MAP3K4: variants seen among roughly 807,000 people sequenced by gnomAD.
MAP3K4 encodes the protein MAP three kinase 1.
MAP3K4 carries 67 observed loss-of-function variants against 185.6 expected under a neutral mutation model. The observed-to-expected ratio is 0.36, with a 90% CI of 0.30 to 0.44. The LOEUF is 0.44. Ranked by LOEUF, MAP3K4 falls within the 20% of genes least tolerant of loss-of-function variation. The pLI, the probability that MAP3K4 is intolerant of heterozygous loss-of-function variation, is 1.00. For synonymous variants in MAP3K4, 702 were observed against 710.4 expected (o/e 0.99, Z 0.19); for missense variants, 1,551 against 1,995.1 (o/e 0.78, Z 4.24).
chr6:161,095,919 CAG>C (rs1777546881), intron 15 of MAP3K4, among the ~76,000 whole-genome samples: 1 of 152,122 alleles, frequency 6.6e-6, no homozygotes, highest in Non-Finnish European at 1.5e-5. Flanking sequence ...GTTTTTTAAA[CAG>C]AATGTCTTTA....
chr6:161,099,777 C>T (rs78157072), intron 17 of MAP3K4, among the ~76,000 whole-genome samples: 5,798 of 152,190 alleles, frequency 0.038, 147 homozygotes, highest in South Asian at 0.072. Context: ...GGTTGATGCA[C>T]TGTGTTTTAA....
intron 1 of MAP3K4, among the ~76,000 whole-genome samples, chr6:161,032,439 T>C (rs911803789): frequency 6.6e-6 from 1 of 152,218 alleles, no homozygotes; most frequent in African/African-American, 2.4e-5. Flanking sequence ...TTAATCCTCA[T>C]AGGAATAAGT....
chr6:161,028,049 C>G (rs1488966931), intron 1 of MAP3K4, among the ~76,000 whole-genome samples: 1 of 152,136 alleles, frequency 6.6e-6, no homozygotes, highest in Non-Finnish European at 1.5e-5. Flanking sequence ...AAGGTTTAGG[C>G]CCGGGACTGG....
chr6:161,112,788 C>T lies in MAP3K4; in HGVS notation c.4626+14C>T. On this transcript the variant is annotated intron_variant, in intron 25 of 26. Transcript: ENST00000392142. This position sits in a 1 kb window ranked among gnomAD's most constrained non-coding sequence, Gnocchi z 5.1. ...GTGACTGGCAAGGTAAGCGGAGCCC[C>T]CACACCTGGCGGAGCAACTTCAGAA... is the stretch of plus-strand genomic sequence containing the variant. The T allele has an allele frequency of 3.2e-6, 5 of 1,546,224 alleles. No homozygotes were observed. Among genetic ancestry groups the T allele is most frequent in the Non-Finnish European group, 4.4e-6 (5 of 1,148,612 alleles).
chr6:161,045,351 G>A (rs1439439880), intron 2 of MAP3K4, among the ~76,000 whole-genome samples: 2 of 152,116 alleles, frequency 1.3e-5, no homozygotes, highest in Admixed American at 6.5e-5. Context: ...TCAAAAAATT[G>A]TGTAATAGAC....
Position 161,102,784 on chromosome 6 carries a change from GAGAA to G in MAP3K4, c.3856+9_3856+12del. 9.2e-7 allele frequency: 1 copy of G among 1,082,692 alleles called. No homozygotes were observed. 67.1% of individuals were successfully genotyped at this position (1,082,692 alleles called of 1,614,324 possible). The stretch of plus-strand genomic sequence containing the variant: ...CACTAATCAGCCAGAGTAAAGGTGA[GAGAA>G]AGAGTGTTGAAGTTAAAAAAAAAAA... On this transcript the variant is annotated splice_donor_region_variant and intron_variant, in intron 19 of 26. Transcript: ENST00000392142.
chr6:161,079,030 A>G (rs183169444), intron 5 of MAP3K4, among the ~76,000 whole-genome samples: 16 of 152,030 alleles, frequency 1.1e-4, no homozygotes, highest in Non-Finnish European at 2.1e-4. Flanking sequence ...CCTGGCCAAC[A>G]TGGCAAAACC....
rs1186777109 is a variant in MAP3K4 at position 161,056,153 on chromosome 6, T to C, written c.1707+6174T>C. ...CGTTTGATATGCTCCCCTCTTTTGT[T>C]GTATTATTTTCCTTTTGATTTGCTT... On this transcript the variant is annotated intron_variant, in intron 3 of 26. Transcript: ENST00000392142. The surrounding 1 kb of genome is among the most constrained non-coding windows in gnomAD (Gnocchi z 5.4). Among the ~76,000 whole-genome samples the C allele has an allele frequency of 6.6e-6, 1 of 152,186 alleles. No individual in the cohort carries two copies. Among genetic ancestry groups the C allele is most frequent in the African/African-American group, 2.4e-5 (1 of 41,456 alleles).
In MAP3K4 at chr6:161,049,102, T is replaced by C. The variant is rs1783882182; in HGVS notation, c.830T>C (p.Ile277Thr). 6.2e-7 allele frequency: 1 copy of C among 1,614,142 alleles called. No homozygotes were observed. The highest frequency in any genetic ancestry group is 1.7e-5 in the Admixed American group (1 of 60,014). ...CAAGCCTGGCATGCAGGACGGACAA[T>C]TAACGACCAGGACTTCTTTTTATAT... The part of the protein sequence containing the change: ...ELQAWHAGRT[I>T]NDQDFFLYTA... Residue 277 changes from isoleucine to threonine, a missense_variant, in exon 3 of 27, where the codon ATT becomes ACT. This residue lies in a region of MAP3K4 where 69 missense variants were observed against 124.8 expected (regional missense o/e 0.55). Coordinates refer to ENST00000392142, the MANE Select transcript of MAP3K4 (RefSeq NM_005922.4). This position sits in a 1 kb window ranked among gnomAD's most constrained non-coding sequence, Gnocchi z 8.4.
At chr6:161,099,800 T>C (rs1026402126) in intron 17 of MAP3K4, among the ~76,000 whole-genome samples, 4 of 152,206 alleles carry the variant, frequency 2.6e-5, no homozygotes, top group African/African-American at 9.7e-5. Context: ...CATTTGTAAG[T>C]TGGTGGTGTG....
intron 2 of MAP3K4, among the ~76,000 whole-genome samples, chr6:161,045,221 T>TG (rs1198015470): frequency 6.6e-6 from 1 of 151,890 alleles, no homozygotes; most frequent in African/African-American, 2.4e-5. Flanking sequence ...GGTTTTGTTT[T>TG]GGGGTGGGGG....
chr6:161,015,442 A>G (rs1583110962), intron 1 of MAP3K4, among the ~76,000 whole-genome samples: 1 of 152,306 alleles, frequency 6.6e-6, no homozygotes, highest in African/African-American at 2.4e-5. Context: ...CATCCTGCAC[A>G]CGTATCCTGG....
rs535419676 is a variant in MAP3K4, at chr6:161,071,322, G to A, written c.1950+472G>A. 5.3e-5 allele frequency among the ~76,000 whole-genome samples: 8 copies of A among 152,248 alleles called. No individual in the cohort carries two copies. Among genetic ancestry groups the A allele is most frequent in the Admixed American group, 3.9e-4 (6 of 15,284 alleles). On this transcript the variant is annotated intron_variant, in intron 4 of 26. Transcript: ENST00000392142. This position sits in a 1 kb window ranked among gnomAD's most constrained non-coding sequence, Gnocchi z 4.6. ...TTGTTCATTCTGGGTGGGATCTTAC[G>A]GATGTTTGATATCCCAGGAGCAGCA...
rs1048306513 is a variant in MAP3K4 at position 161,107,045 on chromosome 6, C to T, written c.4048+340C>T. On this transcript the variant is annotated intron_variant, in intron 20 of 26. Transcript: ENST00000392142. The surrounding 1 kb of genome is among the most constrained non-coding windows in gnomAD (Gnocchi z 6.2). ...GTTTCTCTCTCTCTCTCTACACACGCGCGCGCACACACACACACACACACA... is the reference window on the plus strand; with the variant it reads ...GTTTCTCTCTCTCTCTCTACACACGTGCGCGCACACACACACACACACACA... Among the ~76,000 whole-genome samples the T allele has an allele frequency of 3.6e-3, 78 of 21,808 alleles. No individual in the cohort carries two copies. Among genetic ancestry groups the T allele is most frequent in the Admixed American group, 0.035 (64 of 1,816 alleles). The allele number at this position is 21,808 out of a possible 152,430, so 14.3% of individuals were successfully genotyped here.
At chr6:161,018,773 C>T (rs1304857085) in intron 1 of MAP3K4, among the ~76,000 whole-genome samples, 1 of 151,802 alleles carries the variant, frequency 6.6e-6, no homozygotes, top group Non-Finnish European at 1.5e-5. Flanking sequence ...GATGGAAGTA[C>T]CAGGAGTTGC....
At chr6:161,001,249 T>C (rs977739022) in intron 1 of MAP3K4, among the ~76,000 whole-genome samples, 5 of 151,460 alleles carry the variant, frequency 3.3e-5, no homozygotes, top group African/African-American at 1.2e-4. Flanking sequence ...TATCAAGTTA[T>C]TAATTATAGG....
intron 11 of MAP3K4, among the ~76,000 whole-genome samples, chr6:161,090,301 G>A (rs1183628312): frequency 6.6e-6 from 1 of 152,244 alleles, no homozygotes; most frequent in Non-Finnish European, 1.5e-5. Flanking sequence ...GGTGGGTAGA[G>A]AGAGAGACCG....
intron 5 of MAP3K4, among the ~76,000 whole-genome samples, chr6:161,078,451 G>A (rs543370829): frequency 6.6e-6 from 1 of 152,206 alleles, no homozygotes; most frequent in African/African-American, 2.4e-5. Flanking sequence ...AGAGGAAAGC[G>A]AACAAAGGAG....
In MAP3K4 at chr6:161,082,886, G is replaced by A. The variant is rs1342055608; in HGVS notation, c.2256-1615G>A. On this transcript the variant is annotated intron_variant, in intron 6 of 26. Transcript: ENST00000392142. This position sits in a 1 kb window ranked among gnomAD's most constrained non-coding sequence, Gnocchi z 4.2. ...ACAGCCTGAATGGTCTGGTTAAAGT[G>A]TATGTCAGACCATTGTCTTCTCTCA... Among the ~76,000 whole-genome samples, 1 of 152,194 alleles carries A rather than the reference G, an allele frequency of 6.6e-6. No homozygotes were observed. Among genetic ancestry groups the A allele is most frequent in the Non-Finnish European group, 1.5e-5 (1 of 68,040 alleles).
Sources: allele counts gnomAD v4.1 joint callset (sites outside exome capture counted in the v4.1 genomes callset), GRCh38; gene constraint gnomAD v4.1.1; regional missense constraint gnomAD v4.1.1; non-coding constraint Gnocchi (gnomAD v3.1); transcripts MANE v1.5; gene names NCBI Gene and HGNC (gene_info 2026-07-23, HGNC 2026-07-21).